Variants in PISD observed in about 807,000 individuals in gnomAD.
The protein encoded by PISD is phosphatidylserine decarboxylase, also known as phosphatidylserine decarboxylase proenzyme, mitochondrial.
Under a neutral mutation model 43.5 loss-of-function variants are expected in PISD, and 31 were observed. That is an observed-to-expected ratio of 0.71 (90% CI 0.54 to 0.96). The LOEUF (loss-of-function observed/expected upper bound fraction) is 0.96, where lower values mean the gene tolerates loss of function less well. PISD is among the 40% of genes least tolerant of loss of function. The pLI is 0.00. For synonymous variants in PISD, 259 were observed against 228.7 expected, an observed-to-expected ratio of 1.13 and a Z score of -1.20; for missense variants, 523 against 548.4, an observed-to-expected ratio of 0.95 and a Z score of 0.46.
chr22:31,622,204 C>T (rs917141220), intron 3 of PISD, among the ~76,000 whole-genome samples: 5 of 152,328 alleles, frequency 3.3e-5, no homozygotes, highest in South Asian at 2.1e-4. Flanking sequence ...GGGTCGGAAA[C>T]GGATCTGATC....
Position 31,621,856 on chromosome 22 carries a change from G to C in PISD, c.351C>G (p.Arg117=), listed in dbSNP as rs145139121. The change falls in exon 4 of 8, where the codon CGC becomes CGG. Residue 117 remains arginine (R), a synonymous_variant. Coordinates refer to ENST00000439502, the MANE Select transcript of PISD (RefSeq NM_001326411.2). The part of the protein sequence containing the change: ...EVALYKSVPT[R]LLSRAWGRLN... ...GGCGACCCCAGGCCCGTGACAGCAAGCGCGTTGGCACTGACTTGTACAAAG... is the reference window on the plus strand; with the variant it reads ...GGCGACCCCAGGCCCGTGACAGCAACCGCGTTGGCACTGACTTGTACAAAG... 1 of 1,610,572 alleles carries C rather than the reference G, an allele frequency of 6.2e-7. No homozygotes were observed. The highest frequency in any genetic ancestry group is 1.1e-5 in the South Asian group (1 of 91,088).
At chr22:31,640,481 C>A (rs1332483547) in intron 3 of PISD, among the ~76,000 whole-genome samples, 2 of 152,050 alleles carry the variant, frequency 1.3e-5, no homozygotes, top group African/African-American at 2.4e-5. Context: ...CAGGCATGAG[C>A]CACCACTCCA....
intron 3 of PISD, 88 bp downstream of exon 3, chr22:31,648,012 GT>G: frequency 1.7e-6 from 2 of 1,175,938 alleles, no homozygotes; most frequent in Non-Finnish European, 2.4e-6. Context: ...TATTTGACTT[GT>G]TCAAACATTT....
At chr22:31,652,440 T>C (rs1318636911) in intron 1 of PISD, among the ~76,000 whole-genome samples, 2 of 151,976 alleles carry the variant, frequency 1.3e-5, no homozygotes, top group African/African-American at 2.4e-5. Context: ...CCAAGTTATG[T>C]CTTGTATAGA....
intron 3 of PISD, among the ~76,000 whole-genome samples, chr22:31,645,269 T>C (rs2073850407): frequency 6.6e-6 from 1 of 151,934 alleles, no homozygotes; most frequent in Non-Finnish European, 1.5e-5. Context: ...CCAGGTAGGA[T>C]GGTACACGCT....
chr22:31,624,674 C>CAT (rs1569482562), intron 3 of PISD, among the ~76,000 whole-genome samples: 1 of 151,312 alleles, frequency 6.6e-6, no homozygotes, highest in African/African-American at 2.4e-5. Context: ...CACACACACA[C>CAT]ACACACCCAT....
At position 31,621,658 on chromosome 22, in the gene PISD, C is replaced by G. The variant is rs1162971968; in HGVS notation, c.549G>C (p.Leu183=). The part of the protein sequence containing the change: ...LKPQARPVCG[L]HSVISPSDGR... ...AAGGGTCAGGCCTCACCACGCTGTG[C>G]AGGCCACAGACAGGCCGGGCCTGCG... Residue 183 remains leucine, a synonymous_variant, in exon 4 of 8, where the codon CTG becomes CTC. Transcript: ENST00000439502. 6.2e-7 allele frequency: 1 copy of G among 1,612,810 alleles called. No homozygotes were observed. Among genetic ancestry groups the G allele is most frequent in the Admixed American group, 1.7e-5 (1 of 59,996 alleles).
At chr22:31,636,623 T>A (rs960528253) in intron 3 of PISD, among the ~76,000 whole-genome samples, 3 of 150,384 alleles carry the variant, frequency 2.0e-5, no homozygotes, top group Non-Finnish European at 3.0e-5. Flanking sequence ...CACTGCAAGC[T>A]CTGCCTCCCA....
chr22:31,619,420 T>TG lies in PISD; in HGVS notation c.*191dup. On this transcript the variant is annotated 3_prime_UTR_variant, in exon 8 of 8. Coordinates refer to ENST00000439502, the MANE Select transcript of PISD (RefSeq NM_001326411.2). ...GAACGGGATAGGTTGAGGGGCATGATGGGGGCTCTCGCCACCTCTTGTCTG... is the reference window on the plus strand; with the variant it reads ...GAACGGGATAGGTTGAGGGGCATGATGGGGGGCTCTCGCCACCTCTTGTCTG... The TG allele has an allele frequency of 1.5e-6, 1 of 680,304 alleles. No individual in the cohort carries two copies. The highest frequency in any genetic ancestry group is 2.7e-6 in the Non-Finnish European group (1 of 371,520). 42.1% of individuals were successfully genotyped at this position (680,304 alleles called of 1,614,324 possible).
intron 1 of PISD, among the ~76,000 whole-genome samples, chr22:31,656,771 G>A (rs1183553436): frequency 6.6e-6 from 1 of 151,948 alleles, no homozygotes; most frequent in Non-Finnish European, 1.5e-5. Context: ...CACTCCTCTT[G>A]CCGCTCCTTG....
In PISD at chr22:31,619,842, G is replaced by GTGA. The variant is rs1442351651; in HGVS notation, c.1006-9_1006-7dup. 1 of 1,605,346 alleles carries GTGA rather than the reference G, an allele frequency of 6.2e-7. No homozygotes were observed. The highest frequency in any genetic ancestry group is 1.3e-5 in the African/African-American group (1 of 74,890). On this transcript the variant is annotated splice_polypyrimidine_tract_variant and splice_region_variant and intron_variant, in intron 7 of 7. Coordinates refer to ENST00000439502, the MANE Select transcript of PISD (RefSeq NM_001326411.2). ...GGGCTGTTTGTGTGCAGGTCCTGTG[G>GTGA]TGATAGGCTGGGGGTCAGTGGGGCC...
intron 3 of PISD, among the ~76,000 whole-genome samples, chr22:31,625,248 T>A (rs1158003408): frequency 6.6e-6 from 1 of 152,164 alleles, no homozygotes; most frequent in Non-Finnish European, 1.5e-5. Flanking sequence ...CCCGGGTGCC[T>A]ACTTTCTCTC....
At position 31,619,596 on chromosome 22, in the gene PISD, A is replaced by AATC. The variant is rs757121535; in HGVS notation, c.*13_*15dup. 4.8e-5 allele frequency: 76 copies of AATC among 1,599,078 alleles called. No homozygotes were observed. In the African/African-American group the frequency reaches 9.1e-4, roughly 19 times the overall value. On this transcript the variant is annotated 3_prime_UTR_variant, in exon 8 of 8. Coordinates refer to ENST00000439502, the MANE Select transcript of PISD (RefSeq NM_001326411.2). ...TTGGAAAAGATCCCTTAGCAGCCAT[A>AATC]ATCAGGAAAGAGACTCTAGAGCGAG...
At chr22:31,660,560 A>G (rs543661454) in intron 1 of PISD, among the ~76,000 whole-genome samples, 55 of 152,190 alleles carry the variant, frequency 3.6e-4, no homozygotes, top group East Asian at 1.9e-3. Flanking sequence ...CAGGAGGCTG[A>G]GGTGGAAGAA....
intron 3 of PISD, among the ~76,000 whole-genome samples, chr22:31,637,603 T>C (rs943523841): frequency 6.6e-6 from 1 of 152,078 alleles, no homozygotes; most frequent in African/African-American, 2.4e-5. Flanking sequence ...TGCATGTCAC[T>C]TTACTCCAGT....
At chr22:31,623,140 C>T (rs1398542366) in intron 3 of PISD, among the ~76,000 whole-genome samples, 1 of 152,190 alleles carries the variant, frequency 6.6e-6, no homozygotes, top group African/African-American at 2.4e-5. Context: ...TGGGGTCAAC[C>T]TGCCTGGGAA....
At chr22:31,620,783 C>T (rs1358340983) in intron 6 of PISD, 70 bp from the exon 7 acceptor site, 5 of 1,571,756 alleles carry the variant, frequency 3.2e-6, no homozygotes, top group Non-Finnish European at 4.3e-6. Flanking sequence ...CAGCCAAGAC[C>T]CAAAGGGACT....
intron 1 of PISD, among the ~76,000 whole-genome samples, chr22:31,659,903 C>G (rs1032146350): frequency 6.6e-6 from 1 of 152,030 alleles, no homozygotes; most frequent in Non-Finnish European, 1.5e-5. Flanking sequence ...AATCAGCCAG[C>G]CTCCCAAACT....
At chr22:31,625,048 T>G (rs1234304091) in intron 3 of PISD, among the ~76,000 whole-genome samples, 1 of 152,188 alleles carries the variant, frequency 6.6e-6, no homozygotes, top group Non-Finnish European at 1.5e-5. Context: ...GCAAAGTAAC[T>G]GCATTTAGCT....
Sources: gnomAD v4.1 joint callset for allele counts (sites outside exome capture counted in the v4.1 genomes callset) on GRCh38, gnomAD v4.1.1 for gene constraint, MANE v1.5 for transcripts, NCBI Gene and HGNC (gene_info 2026-07-23, HGNC 2026-07-21) for gene names.